Variants in SPECC1L observed in about 807,000 individuals in gnomAD.
The protein encoded by SPECC1L is sperm antigen with calponin homology and coiled-coil domains 1 like.
In SPECC1L, 40 loss-of-function variants were observed where a neutral mutation model predicts 116.8. That is an observed-to-expected ratio of 0.34 (90% CI 0.27 to 0.45). The LOEUF (loss-of-function observed/expected upper bound fraction) is 0.45, where lower values mean the gene tolerates loss of function less well. Among genes scored for constraint, SPECC1L ranks in the 20% least tolerant of loss-of-function variants. SPECC1L has a pLI of 1.00. For missense variants in SPECC1L, 1,110 were observed against 1,373.6 expected, an observed-to-expected ratio of 0.81 and a Z score of 3.03; for synonymous variants, 504 against 500.6, an observed-to-expected ratio of 1.01 and a Z score of -0.09.
intron 4 of SPECC1L, among the ~76,000 whole-genome samples, chr22:24,317,887 C>A (rs939770599): frequency 2.7e-5 from 4 of 148,150 alleles, no homozygotes; most frequent in African/African-American, 1.0e-4. Context: ...CCGGACGGGG[C>A]GACAGGGCAG....
chr22:24,374,629 T>TG (rs1393886994), intron 14 of SPECC1L, among the ~76,000 whole-genome samples: 1 of 39,314 alleles, frequency 2.5e-5, no homozygotes, highest in African/African-American at 1.1e-4. Context: ...TGTTGTGGGG[T>TG]GGGGGGAGGG....
rs2048708629 is a variant in SPECC1L, at chr22:24,270,955, A to T, written c.-170A>T. ...CTCACCGCCCAGCCCAAACCAGGAGATTGCGAGGGAGCGATGCGGTGCAGC... is the reference window on the plus strand; with the variant it reads ...CTCACCGCCCAGCCCAAACCAGGAGTTTGCGAGGGAGCGATGCGGTGCAGC... On this transcript the variant is annotated 5_prime_UTR_variant, in exon 1 of 17. Transcript: ENST00000314328. The T allele has an allele frequency of 6.6e-6, 1 of 152,114 alleles. No homozygotes were observed. The highest frequency in any genetic ancestry group is 1.5e-5 in the Non-Finnish European group (1 of 68,030). 9.4% of individuals were successfully genotyped at this position (152,114 alleles called of 1,614,324 possible).
At chr22:24,302,447 T>C in intron 3 of SPECC1L, 63 bp downstream of exon 3, 1 of 1,584,646 alleles carries the variant, frequency 6.3e-7, no homozygotes, top group South Asian at 1.1e-5. Flanking sequence ...ATATGATGTT[T>C]AATATATTAA....
At chr22:24,287,913 C>T (rs1263568872) in intron 2 of SPECC1L, among the ~76,000 whole-genome samples, 1 of 152,052 alleles carries the variant, frequency 6.6e-6, no homozygotes, top group Non-Finnish European at 1.5e-5. Flanking sequence ...TCAGTCTGTG[C>T]CAGGCCAGCT....
chr22:24,367,318 C>T (rs568066270), intron 13 of SPECC1L, among the ~76,000 whole-genome samples: 11 of 152,300 alleles, frequency 7.2e-5, no homozygotes, highest in African/African-American at 2.6e-4. Flanking sequence ...GATAGTATAA[C>T]AAACTTCTTG....
chr22:24,403,768 G>T (rs2042527936), intron 14 of SPECC1L, among the ~76,000 whole-genome samples: 1 of 152,222 alleles, frequency 6.6e-6, no homozygotes, highest in Non-Finnish European at 1.5e-5. Flanking sequence ...CGTAAGAAGG[G>T]ATATCTGTGA....
intron 3 of SPECC1L, 25 bp downstream of exon 3, chr22:24,302,409 T>A (rs760921128): frequency 6.2e-7 from 1 of 1,613,706 alleles, no homozygotes; most frequent in Admixed American, 1.7e-5. Context: ...TTTGAATACA[T>A]GATGGGTTTT....
chr22:24,295,915 T>C (rs534749597), intron 2 of SPECC1L, among the ~76,000 whole-genome samples: 1 of 152,122 alleles, frequency 6.6e-6, no homozygotes, highest in South Asian at 2.1e-4. Context: ...GCCGTCGCAC[T>C]CCAGACTGGG....
chr22:24,355,464 CACCT>C (rs777867862), intron 11 of SPECC1L, among the ~76,000 whole-genome samples: 78 of 151,900 alleles, frequency 5.1e-4, no homozygotes, highest in African/African-American at 1.6e-3. Context: ...TCCACCCACC[CACCT>C]ACCTACCTAC....
rs1556306072 is a variant in SPECC1L, at chr22:24,390,867, C to CTTTTTTTTTTTTTT, written c.3088-20717_3088-20716insTTTTTTTTTTTTTT. On this transcript the variant is annotated intron_variant, in intron 14 of 16. Coordinates refer to ENST00000314328, the MANE Select transcript of SPECC1L (RefSeq NM_015330.6). ...GCCTGTGTTCCTTTTTTTTTTTTTT[C>CTTTTTTTTTTTTTT]TTTTCTTTTTTTTTTTTTTTTTTTT... Among the ~76,000 whole-genome samples, 74 of 47,600 alleles carry CTTTTTTTTTTTTTT rather than the reference C, an allele frequency of 1.6e-3. 1 individual carries two copies. Among genetic ancestry groups the CTTTTTTTTTTTTTT allele is most frequent in the Non-Finnish European group, 2.2e-3 (55 of 25,108 alleles). The allele number at this position is 47,600 out of a possible 152,430, so 31.2% of individuals were successfully genotyped here.
In SPECC1L at chr22:24,317,429, G is replaced by A. The variant is rs545055600; in HGVS notation, c.308-3859G>A. ...TCACCTCCCAGATGGGGCGCTGGCC[G>A]GGCGGGGGGCTGACCCCCCAACCTC... On this transcript the variant is annotated intron_variant, in intron 4 of 16. Coordinates refer to ENST00000314328, the MANE Select transcript of SPECC1L (RefSeq NM_015330.6). 1.9e-4 allele frequency among the ~76,000 whole-genome samples: 23 copies of A among 124,018 alleles called. 1 individual carries two copies. Among genetic ancestry groups the A allele is most frequent in the African/African-American group, 6.2e-4 (22 of 35,624 alleles). The allele number at this position is 124,018 out of a possible 152,430, so 81.4% of individuals were successfully genotyped here. A position where few individuals can be genotyped will look rare whatever the true frequency, so the allele number is the denominator to read the frequency against.
chr22:24,377,515 G>A, intron 14 of SPECC1L, among the ~76,000 whole-genome samples: 1 of 152,106 alleles, frequency 6.6e-6, no homozygotes, highest in East Asian at 1.9e-4. Context: ...TACTACCAAA[G>A]TGTTTTTGAA....
chr22:24,396,059 CAG>C (rs2042362688), intron 14 of SPECC1L, among the ~76,000 whole-genome samples: 1 of 152,232 alleles, frequency 6.6e-6, no homozygotes, highest in African/African-American at 2.4e-5. Flanking sequence ...TGTCAAGTGA[CAG>C]AGTGATTCTT....
At chr22:24,317,883 G>A (rs983900002) in intron 4 of SPECC1L, among the ~76,000 whole-genome samples, 1 of 151,806 alleles carries the variant, frequency 6.6e-6, no homozygotes, top group Non-Finnish European at 1.5e-5. Context: ...CATCCCGGAC[G>A]GGGCGACAGG....
At chr22:24,365,705 T>A in intron 13 of SPECC1L, 73 bp downstream of exon 13, 1 of 1,544,110 alleles carries the variant, frequency 6.5e-7, no homozygotes, top group East Asian at 2.2e-5. Flanking sequence ...GATCAAGTTG[T>A]AAAATGATGG....
rs577895200 is a variant in SPECC1L, at chr22:24,323,879, T to G, written c.1939-341T>G. ...ACCGTCACAAATATGACATCATTTT[T>G]GTTAGGACAACATGTTAATCATTAA... On this transcript the variant is annotated intron_variant, in intron 5 of 16. Transcript: ENST00000314328. 6.6e-5 allele frequency among the ~76,000 whole-genome samples: 10 copies of G among 152,364 alleles called. No homozygotes were observed. In the East Asian group the frequency reaches 1.9e-3, roughly 29 times the overall value.
chr22:24,355,569 A>C (rs2146595901), intron 11 of SPECC1L, among the ~76,000 whole-genome samples: 1 of 152,176 alleles, frequency 6.6e-6, no homozygotes, highest in East Asian at 1.9e-4. Flanking sequence ...AGCCATCACC[A>C]ATGGGTTCAT....
At chr22:24,308,576 G>A (rs2049548566) in intron 3 of SPECC1L, among the ~76,000 whole-genome samples, 1 of 152,206 alleles carries the variant, frequency 6.6e-6, no homozygotes, top group Non-Finnish European at 1.5e-5. Flanking sequence ...TTTCTCCACT[G>A]TCAGGTTACT....
At chr22:24,320,383 CAT>C (rs756596975) in intron 4 of SPECC1L, among the ~76,000 whole-genome samples, 12 of 152,178 alleles carry the variant, frequency 7.9e-5, no homozygotes, top group East Asian at 7.7e-4. Flanking sequence ...GTTAAGTAAT[CAT>C]GTGATTCACG....
Sources: gnomAD v4.1 joint callset for allele counts (sites outside exome capture counted in the v4.1 genomes callset) on GRCh38, gnomAD v4.1.1 for gene constraint, MANE v1.5 for transcripts, NCBI Gene and HGNC (gene_info 2026-07-23, HGNC 2026-07-21) for gene names.